FMN1: variants seen among roughly 807,000 people sequenced by gnomAD.
The protein encoded by FMN1 is formin-1.
Under a neutral mutation model 132.4 loss-of-function variants are expected in FMN1, and 110 were observed. That is an observed-to-expected ratio of 0.83 (90% CI 0.71 to 0.97). The LOEUF (loss-of-function observed/expected upper bound fraction) is 0.97, where lower values mean the gene tolerates loss of function less well. Ranked by LOEUF, FMN1 falls within the 50% of genes least tolerant of loss-of-function variation. FMN1 has a pLI of 0.00. For synonymous variants in FMN1, 722 were observed against 651.7 expected (o/e 1.11, Z -1.64); for missense variants, 1,792 against 1,705.3 (o/e 1.05, Z -0.90).
chr15:32,891,565 T>C (rs1459328543), intron 15 of FMN1, among the ~76,000 whole-genome samples: 7 of 152,062 alleles, frequency 4.6e-5, no homozygotes, highest in African/African-American at 1.7e-4. Context: ...CTGTTAAGAA[T>C]GATGGTGGTA....
chr15:33,050,631 C>A lies in FMN1; in HGVS notation c.2161+14326G>T, dbSNP rs149751092. Among the ~76,000 whole-genome samples, 963 of 152,282 alleles carry A rather than the reference C, an allele frequency of 6.3e-3. 6 individuals are homozygous for A. Among genetic ancestry groups the A allele is most frequent in the Non-Finnish European group, 0.01 (681 of 68,026 alleles). The stretch of plus-strand genomic sequence containing the variant: ...ATGCTGGTGAAGTATGAGTAATGGG[C>A]ATTCTTTCTTTGGTTTAATATTCTG... On this transcript the variant is annotated intron_variant, in intron 6 of 20. Transcript: ENST00000616417.
At chr15:33,033,160 A>T (rs1377803272) in intron 6 of FMN1, among the ~76,000 whole-genome samples, 1 of 152,068 alleles carries the variant, frequency 6.6e-6, no homozygotes, top group African/African-American at 2.4e-5. Flanking sequence ...CCTCCCGAGT[A>T]GCTGGGACTA....
intron 8 of FMN1, among the ~76,000 whole-genome samples, chr15:32,967,025 G>A (rs1010953645): frequency 2.0e-5 from 3 of 152,200 alleles, no homozygotes; most frequent in East Asian, 1.9e-4. Flanking sequence ...GCAGCCCCCC[G>A]TGTTATGTTT....
At chr15:33,094,149 A>C (rs751489101) in intron 4 of FMN1, among the ~76,000 whole-genome samples, 2 of 152,216 alleles carry the variant, frequency 1.3e-5, no homozygotes, top group Non-Finnish European at 2.9e-5. Context: ...ATGTGGGCTA[A>C]ATTCCTGGCT....
intron 1 of FMN1, among the ~76,000 whole-genome samples, 163 bp from the exon 2 acceptor site, chr15:33,194,223 C>T (rs1290932164): frequency 1.4e-5 from 2 of 139,382 alleles, no homozygotes; most frequent in East Asian, 5.0e-4. Context: ...AAAAGCTCTG[C>T]ATCTCTCCGT....
At chr15:33,115,295 G>C (rs1426049739) in intron 4 of FMN1, among the ~76,000 whole-genome samples, 1 of 152,158 alleles carries the variant, frequency 6.6e-6, no homozygotes, top group Non-Finnish European at 1.5e-5. Context: ...CTTCTCATGG[G>C]AAATAATACT....
At chr15:32,880,931 A>G (rs1298829099) in intron 16 of FMN1, among the ~76,000 whole-genome samples, 1 of 152,210 alleles carries the variant, frequency 6.6e-6, no homozygotes, top group African/African-American at 2.4e-5. Context: ...TTAGTCAAAT[A>G]TCACATGGTA....
rs150500801 is a variant in FMN1 at position 33,040,063 on chromosome 15, G to A, written c.2161+24894C>T. Among the ~76,000 whole-genome samples the A allele has an allele frequency of 4.3e-4, 66 of 152,284 alleles. No homozygotes were observed. In the East Asian group the frequency reaches 9.5e-3, roughly 22 times the overall value. ...CATAATCTCCCTCCCCATGGAAGACGTGGCACCATCCCAATCTACAGGCAT... is the reference window on the plus strand; with the variant it reads ...CATAATCTCCCTCCCCATGGAAGACATGGCACCATCCCAATCTACAGGCAT... On this transcript the variant is annotated intron_variant, in intron 6 of 20. Coordinates refer to ENST00000616417, the MANE Select transcript of FMN1 (RefSeq NM_001277313.2).
Position 32,804,094 on chromosome 15 carries a change from C to T in FMN1, c.3980+187G>A, listed in dbSNP as rs1020559. Among the ~76,000 whole-genome samples, 62,042 of 151,786 alleles carry T rather than the reference C, an allele frequency of 0.41. 13,487 individuals are homozygous for T. The highest frequency in any genetic ancestry group is 0.6 in the East Asian group (3,074 of 5,146). ...GAAGTCACAGAGACAGAAAGTAGAA[C>T]GGTGGTTGCCTAGGGACAGGGGAGT... On this transcript the variant is annotated intron_variant, in intron 18 of 20. Transcript: ENST00000616417.
Position 32,907,193 on chromosome 15 carries a change from C to T in FMN1, c.3377+1297G>A, listed in dbSNP as rs894081950. On this transcript the variant is annotated intron_variant, in intron 12 of 20. Transcript: ENST00000616417. Reference sequence around the variant, plus strand: ...ATTACATTTATTGTGCACTTTATTTCCATTATTATTACATTGTAACATACA... The same window carrying T: ...ATTACATTTATTGTGCACTTTATTTTCATTATTATTACATTGTAACATACA... Among the ~76,000 whole-genome samples, 11 of 152,022 alleles carry T rather than the reference C, an allele frequency of 7.2e-5. 1 individual carries two copies. In the South Asian group the frequency reaches 2.1e-3, roughly 29 times the overall value.
intron 4 of FMN1, among the ~76,000 whole-genome samples, chr15:33,147,800 C>T (rs1181283144): frequency 3.3e-5 from 5 of 152,106 alleles, no homozygotes; most frequent in African/African-American, 1.2e-4. Flanking sequence ...TTTCACATGC[C>T]AATGAGCTAT....
chr15:33,157,277 A>AT, intron 3 of FMN1, among the ~76,000 whole-genome samples: 1 of 151,978 alleles, frequency 6.6e-6, no homozygotes, highest in Admixed American at 6.6e-5. Flanking sequence ...AAAAAAAAAA[A>AT]AAAATTCAGA....
intron 15 of FMN1, among the ~76,000 whole-genome samples, chr15:32,893,747 GC>G (rs993846106): frequency 5.7e-4 from 87 of 152,336 alleles, no homozygotes; most frequent in African/African-American, 1.9e-3. Context: ...CCTAGACTGG[GC>G]CATCCCATGT....
chr15:33,093,393 T>C (rs749570462), intron 4 of FMN1, among the ~76,000 whole-genome samples: 1 of 152,202 alleles, frequency 6.6e-6, no homozygotes, highest in African/African-American at 2.4e-5. Flanking sequence ...GACAGCAATC[T>C]AGATGTACAG....
intron 9 of FMN1, among the ~76,000 whole-genome samples, chr15:32,937,454 T>C (rs2061303276): frequency 6.6e-6 from 1 of 152,248 alleles, no homozygotes; most frequent in African/African-American, 2.4e-5. Flanking sequence ...AACTGATTTC[T>C]GAATTTCTCA....
At chr15:32,861,061 G>T (rs1258953194) in intron 16 of FMN1, among the ~76,000 whole-genome samples, 2 of 152,126 alleles carry the variant, frequency 1.3e-5, no homozygotes, top group Non-Finnish European at 2.9e-5. Flanking sequence ...AGAAAAGCTA[G>T]GATTTCCCAC....
intron 4 of FMN1, among the ~76,000 whole-genome samples, chr15:33,145,446 G>A (rs150311916): frequency 6.6e-6 from 1 of 151,708 alleles, no homozygotes; most frequent in East Asian, 1.9e-4. Flanking sequence ...TGCTTTCAAT[G>A]TCCTAAAGAA....
intron 6 of FMN1, among the ~76,000 whole-genome samples, chr15:33,025,685 T>C (rs1481459878): frequency 6.6e-6 from 1 of 152,176 alleles, no homozygotes; most frequent in Non-Finnish European, 1.5e-5. Context: ...TTATCAGTGG[T>C]ATCTCACATT....
chr15:32,820,185 T>G (rs560328196), intron 17 of FMN1, among the ~76,000 whole-genome samples: 5 of 152,194 alleles, frequency 3.3e-5, no homozygotes, highest in Non-Finnish European at 7.4e-5. Context: ...CAAAGATTCA[T>G]GATTACAACG....
Sources: gnomAD v4.1 joint callset for allele counts (sites outside exome capture counted in the v4.1 genomes callset) on GRCh38, gnomAD v4.1.1 for gene constraint, MANE v1.5 for transcripts, NCBI Gene and HGNC (gene_info 2026-07-23, HGNC 2026-07-21) for gene names.